The following SLC25A48 variants were observed in gnomAD, a reference collection of about 807,000 sequenced individuals.
The protein encoded by SLC25A48 is CTC-321K16.1.
A neutral mutation model predicts 32.2 loss-of-function variants in SLC25A48; 29 were observed. That is an observed-to-expected ratio of 0.90 (90% CI 0.67 to 1.23). SLC25A48 has a LOEUF of 1.23. SLC25A48 is among the 50% of genes most tolerant of loss of function. The pLI is 0.00. For synonymous variants in SLC25A48, 164 were observed against 172.3 expected (o/e 0.95, Z 0.38); for missense variants, 399 against 422.7 (o/e 0.94, Z 0.49).
intron 7 of SLC25A48, among the ~76,000 whole-genome samples, chr5:135,887,580 C>A (rs1167617946): frequency 6.6e-6 from 1 of 152,164 alleles, no homozygotes; most frequent in Non-Finnish European, 1.5e-5. Context: ...ACTAAACCCT[C>A]CGCAGGAATC....
At chr5:135,830,862 G>A (rs1580934614), upstream of SLC25A48, among the ~76,000 whole-genome samples, 1 of 152,224 alleles carries the variant, frequency 6.6e-6, no homozygotes, top group East Asian at 1.9e-4. Context: ...CACGGTGGCA[G>A]ATAGGTCAGA....
In SLC25A48 at chr5:135,734,772, G is replaced by C. The variant is rs184500119; in HGVS notation, c.-520-77751G>C. ...GCGGAGCTTGCAGTGAGCTGAGATC[G>C]TGCCACTGCACTCCAGCCTGGGCGA... On this transcript the variant is annotated intron_variant, in intron 3 of 10. Transcript: ENST00000646290. Among the ~76,000 whole-genome samples, 3 of 149,584 alleles carry C rather than the reference G, an allele frequency of 2.0e-5. No individual in the cohort carries two copies. In the South Asian group the frequency reaches 6.3e-4, roughly 32 times the overall value.
At chr5:135,784,195 C>G (rs192074150) in intron 3 of SLC25A48, among the ~76,000 whole-genome samples, 1 of 115,636 alleles carries the variant, frequency 8.6e-6, no homozygotes, top group East Asian at 2.2e-4. Flanking sequence ...AGCGTACACC[C>G]TAACACTGCT....
At chr5:135,721,504 C>T (rs1250416984) in intron 3 of SLC25A48, among the ~76,000 whole-genome samples, 5 of 152,054 alleles carry the variant, frequency 3.3e-5, no homozygotes, top group African/African-American at 9.7e-5. Context: ...CACCCGGCCT[C>T]CCACTCACAT....
chr5:135,765,953 G>A (rs1233111258), intron 3 of SLC25A48, among the ~76,000 whole-genome samples: 1 of 151,756 alleles, frequency 6.6e-6, no homozygotes, highest in Non-Finnish European at 1.5e-5. Flanking sequence ...TCATATCGTG[G>A]ATTGCATACA....
chr5:135,734,094 C>T (rs1755295116), intron 3 of SLC25A48, among the ~76,000 whole-genome samples: 1 of 152,000 alleles, frequency 6.6e-6, no homozygotes, highest in African/African-American at 2.4e-5. Context: ...CCCTTTAAAG[C>T]CTATTGTGGG....
intron 4 of SLC25A48, among the ~76,000 whole-genome samples, chr5:135,870,396 C>T (rs1206750914): frequency 3.9e-5 from 6 of 152,070 alleles, no homozygotes; most frequent in Admixed American, 1.3e-4. Flanking sequence ...GAGAAGGGTC[C>T]GTAGCAGAGA....
At chr5:135,747,866 A>T (rs1006852138) in intron 3 of SLC25A48, among the ~76,000 whole-genome samples, 2 of 152,272 alleles carry the variant, frequency 1.3e-5, no homozygotes, top group African/African-American at 2.4e-5. Context: ...TCCATTTTGG[A>T]TGAGGAAACT....
intron 4 of SLC25A48, chr5:135,824,301 T>C (rs542273878): frequency 6.6e-6 from 1 of 152,478 alleles, no homozygotes; most frequent in South Asian, 2.1e-4. Context: ...TTGGGCTTTG[T>C]AAGACCCCTC....
chr5:135,886,646 ATATGTGTG>A (rs1402372243), intron 7 of SLC25A48, among the ~76,000 whole-genome samples: 1 of 36,488 alleles, frequency 2.7e-5, no homozygotes, highest in Non-Finnish European at 4.6e-5. Context: ...TAAAATATAT[ATATGTGTG>A]TGTGTGTGTG....
intron 2 of SLC25A48, among the ~76,000 whole-genome samples, chr5:135,848,264 C>T (rs1423430563): frequency 3.9e-5 from 6 of 152,162 alleles, no homozygotes; most frequent in Admixed American, 1.3e-4. Context: ...TTACTTGTTG[C>T]AGGGGGTGGG....
chr5:135,864,596 A>G (rs973883365), intron 4 of SLC25A48, among the ~76,000 whole-genome samples: 1 of 152,178 alleles, frequency 6.6e-6, no homozygotes, highest in Non-Finnish European at 1.5e-5. Context: ...AGCTGGAGCA[A>G]TGGCAGCCCA....
At chr5:135,638,457 T>A (rs1187834525) in intron 3 of SLC25A48, among the ~76,000 whole-genome samples, 1 of 152,214 alleles carries the variant, frequency 6.6e-6, no homozygotes, top group African/African-American at 2.4e-5. Context: ...CCTGGTGATA[T>A]CAATGCTTCA....
intron 3 of SLC25A48, among the ~76,000 whole-genome samples, chr5:135,678,247 G>C (rs1005467168): frequency 6.6e-6 from 1 of 151,852 alleles, no homozygotes; most frequent in Admixed American, 6.6e-5. Context: ...GCCTGACTGG[G>C]TTATTTCAAA....
At chr5:135,790,776 G>A (rs1757006446) in intron 3 of SLC25A48, among the ~76,000 whole-genome samples, 1 of 151,320 alleles carries the variant, frequency 6.6e-6, no homozygotes, top group Non-Finnish European at 1.5e-5. Flanking sequence ...CACCATGTAT[G>A]TACACCCTGT....
chr5:135,706,938 A>G (rs1013190371), intron 3 of SLC25A48, among the ~76,000 whole-genome samples: 1 of 152,232 alleles, frequency 6.6e-6, no homozygotes, highest in African/African-American at 2.4e-5. Flanking sequence ...AAGAACAGCT[A>G]CTTGTTGACC....
intron 3 of SLC25A48, among the ~76,000 whole-genome samples, chr5:135,746,076 G>A (rs1399996251): frequency 6.6e-6 from 1 of 151,898 alleles, no homozygotes; most frequent in Non-Finnish European, 1.5e-5. Context: ...TTCAAGCTCC[G>A]CCCTCACGCT....
In SLC25A48 at chr5:135,654,564, A is replaced by T. The variant is rs370227800; in HGVS notation, c.-521+19608A>T. On this transcript the variant is annotated intron_variant, in intron 3 of 10. Coordinates refer to the SLC25A48 transcript ENST00000646290. The stretch of plus-strand genomic sequence containing the variant: ...ACAGACCTACAGCTCAGGAAGAAAC[A>T]CTGGACATAAAGTGGGCAGGGCAAG... Among the ~76,000 whole-genome samples, 25 of 152,328 alleles carry T rather than the reference A, an allele frequency of 1.6e-4. 1 individual carries two copies. The East Asian group carries it at 3.3e-3, about 20-fold the overall frequency.
intron 1 of SLC25A48, among the ~76,000 whole-genome samples, chr5:135,585,559 T>C (rs1288552017): frequency 6.6e-6 from 1 of 152,194 alleles, no homozygotes; most frequent in Non-Finnish European, 1.5e-5. Context: ...TTCTTATTAA[T>C]TCTAGTTCCC....
Sources: gnomAD v4.1 joint callset for allele counts (sites outside exome capture counted in the v4.1 genomes callset) on GRCh38, gnomAD v4.1.1 for gene constraint, MANE v1.5 for transcripts, NCBI Gene and HGNC (gene_info 2026-07-23, HGNC 2026-07-21) for gene names.